Variants in C3orf20 observed in about 807,000 individuals in gnomAD.
C3orf20 encodes uncharacterized protein C3orf20.
Under a neutral mutation model 88.3 loss-of-function variants are expected in C3orf20, and 76 were observed. The observed-to-expected ratio is 0.86, with a 90% CI of 0.72 to 1.04. The LOEUF (loss-of-function observed/expected upper bound fraction) is 1.04. C3orf20 is among the 50% of genes least tolerant of loss of function. C3orf20 has a pLI of 0.00. For missense variants in C3orf20, 1,056 were observed against 1,123.3 expected (o/e 0.94, Z 0.86); for synonymous variants, 436 against 437.4 (o/e 1.00, Z 0.04).
chr3:14,764,233 C>G (rs971718293), intron 15 of C3orf20, among the ~76,000 whole-genome samples: 1 of 151,958 alleles, frequency 6.6e-6, no homozygotes, highest in African/African-American at 2.4e-5. Context: ...CACATACATA[C>G]AAACTAGAAA....
chr3:14,715,520 A>G (rs1307236539), intron 9 of C3orf20, 111 bp downstream of exon 9: 3 of 1,357,482 alleles, frequency 2.2e-6, no homozygotes, highest in Non-Finnish European at 2.9e-6. Flanking sequence ...TACCCGTAAG[A>G]CAGGAAGCCT....
chr3:14,761,195 C>T (rs984359403), intron 14 of C3orf20, among the ~76,000 whole-genome samples: 1 of 151,298 alleles, frequency 6.6e-6, no homozygotes, highest in African/African-American at 2.4e-5. Context: ...TCAGGTTGCC[C>T]AGGGAGATAT....
At chr3:14,682,494 C>T (rs1161266100) in intron 2 of C3orf20, 84 bp from the exon 3 acceptor site, 1 of 587,888 alleles carries the variant, frequency 1.7e-6, no homozygotes, top group Non-Finnish European at 3.0e-6. Flanking sequence ...CTGATGGTGT[C>T]TCTGGGTAGG....
intron 12 of C3orf20, among the ~76,000 whole-genome samples, chr3:14,736,505 G>A (rs1275908418): frequency 6.6e-6 from 1 of 151,848 alleles, no homozygotes; most frequent in Non-Finnish European, 1.5e-5. Flanking sequence ...TGGCCAGGCT[G>A]GTCTTGAACT....
At chr3:14,716,559 A>T (rs138693054) in intron 9 of C3orf20, among the ~76,000 whole-genome samples, 1 of 151,742 alleles carries the variant, frequency 6.6e-6, no homozygotes, top group Non-Finnish European at 1.5e-5. Context: ...AGGAATATTC[A>T]CTCCCTTGAA....
chr3:14,719,130 T>TG (rs2034053666), intron 9 of C3orf20, among the ~76,000 whole-genome samples: 1 of 151,752 alleles, frequency 6.6e-6, no homozygotes, highest in African/African-American at 2.4e-5. Flanking sequence ...TCATTGTTTT[T>TG]TTTTTTTTTT....
In C3orf20 at chr3:14,749,892, CTACTT is replaced by C. The variant is rs2035170269; in HGVS notation, c.1941-7476_1941-7472del. 2.0e-5 allele frequency among the ~76,000 whole-genome samples: 3 copies of C among 151,930 alleles called. No homozygotes were observed. The South Asian group carries it at 6.2e-4, about 32-fold the overall frequency. On this transcript the variant is annotated intron_variant, in intron 12 of 16. Transcript: ENST00000253697. ...CCCGTACAGCTTCCTTCCCACCTCT[CTACTT>C]TATGTTGACATTGTTATAAAAAACG...
chr3:14,726,218 G>A (rs532418817), intron 10 of C3orf20, among the ~76,000 whole-genome samples: 1 of 152,382 alleles, frequency 6.6e-6, no homozygotes. Flanking sequence ...CAGCGATCCC[G>A]TGGGGAGCCC....
chr3:14,696,371 CATTATTATTATT>C (rs141837445), intron 5 of C3orf20, among the ~76,000 whole-genome samples: 10 of 142,044 alleles, frequency 7.0e-5, no homozygotes, highest in South Asian at 4.5e-4. Context: ...GTTGTGCTAT[CATTATTATTATT>C]ATTATTATTA....
At chr3:14,708,602 G>A (rs569529790) in intron 7 of C3orf20, among the ~76,000 whole-genome samples, 2 of 152,090 alleles carry the variant, frequency 1.3e-5, no homozygotes, top group East Asian at 3.9e-4. Flanking sequence ...TGATTCTGTA[G>A]ATCACTTTGG....
intron 12 of C3orf20, among the ~76,000 whole-genome samples, chr3:14,747,203 G>A (rs985729114): frequency 5.3e-5 from 8 of 152,216 alleles, no homozygotes; most frequent in Admixed American, 5.2e-4. Context: ...TTTGATTACA[G>A]CCGTTACTCT....
rs765748966 is a variant in C3orf20, at chr3:14,728,514, A to C, written c.1766A>C (p.His589Pro). ...CGGTTCAAGATGAGATCCAGAACTC[A>C]TCCCGAGCGGCTCCCCAAGCTAAGT... ...FVRFKMRSRT[H>P]PERLPKLSLY... The change falls in exon 12 of 17, where the codon CAT (histidine) becomes CCT (proline). Residue 589 changes from histidine to proline, a missense_variant. Transcript: ENST00000253697. 1 of 1,614,240 alleles carries C rather than the reference A, an allele frequency of 6.2e-7. No individual in the cohort carries two copies. The highest frequency in any genetic ancestry group is 8.5e-7 in the Non-Finnish European group (1 of 1,180,042).
chr3:14,738,562 A>C (rs988534431), intron 12 of C3orf20, among the ~76,000 whole-genome samples: 2 of 142,064 alleles, frequency 1.4e-5, no homozygotes, highest in African/African-American at 5.3e-5. Flanking sequence ...CGATCTCCTG[A>C]CCTCGTGATC....
chr3:14,742,258 T>C (rs1022430642), intron 12 of C3orf20, among the ~76,000 whole-genome samples: 2 of 152,222 alleles, frequency 1.3e-5, no homozygotes, highest in African/African-American at 2.4e-5. Flanking sequence ...CGGAGGACTT[T>C]TAGATTTTTG....
Position 14,772,406 on chromosome 3 carries a change from T to G in C3orf20, c.2630+205T>G, listed in dbSNP as rs1356302675. On this transcript the variant is annotated intron_variant, in intron 16 of 16. Transcript: ENST00000253697. The surrounding 1 kb of genome is among the most constrained non-coding windows in gnomAD (Gnocchi z 4.2). ...CTCGCAGTGGTCTGGGTGGTAGAGATGGAGGCCTTTTGTAGACTTTGCAGC... is the reference window on the plus strand; with the variant it reads ...CTCGCAGTGGTCTGGGTGGTAGAGAGGGAGGCCTTTTGTAGACTTTGCAGC... Among the ~76,000 whole-genome samples the G allele has an allele frequency of 6.6e-6, 1 of 152,178 alleles. No homozygotes were observed. The highest frequency in any genetic ancestry group is 1.5e-5 in the Non-Finnish European group (1 of 68,020).
chr3:14,716,433 G>A (rs1217859944), intron 9 of C3orf20, among the ~76,000 whole-genome samples: 1 of 152,138 alleles, frequency 6.6e-6, no homozygotes, highest in Non-Finnish European at 1.5e-5. Context: ...GGAATGCATG[G>A]GAGGGCTCCA....
intron 2 of C3orf20, 46 bp downstream of exon 2, chr3:14,682,377 G>GC (rs983301277): frequency 2.3e-4 from 53 of 230,562 alleles, no homozygotes; most frequent in South Asian, 2.0e-3. Context: ...CATTCCTCCA[G>GC]CCCCCCCAGG....
intron 4 of C3orf20, among the ~76,000 whole-genome samples, chr3:14,685,873 T>C: frequency 6.9e-6 from 1 of 144,836 alleles, no homozygotes; most frequent in Non-Finnish European, 1.5e-5. Context: ...TTTTTTTTTT[T>C]TTTTTTTGAG....
intron 10 of C3orf20, among the ~76,000 whole-genome samples, chr3:14,725,297 G>A (rs1268823647): frequency 5.3e-5 from 8 of 152,132 alleles, no homozygotes; most frequent in Non-Finnish European, 1.2e-4. Context: ...AAAATGTGCC[G>A]AGTGTTGGGG....
Sources: gnomAD v4.1 joint callset for allele counts (sites outside exome capture counted in the v4.1 genomes callset) on GRCh38, gnomAD v4.1.1 for gene constraint, Gnocchi (gnomAD v3.1) non-coding constraint, MANE v1.5 for transcripts, NCBI Gene and HGNC (gene_info 2026-07-23, HGNC 2026-07-21) for gene names.